The following DPP10 variants were observed in gnomAD, a reference collection of about 807,000 sequenced individuals.
The protein encoded by DPP10 is dipeptidyl peptidase like 10.
DPP10 carries 33 observed loss-of-function variants against 120.9 expected under a neutral mutation model. That is an observed-to-expected ratio of 0.27 (90% CI 0.21 to 0.37). DPP10 has a LOEUF of 0.37. DPP10 is among the 10% of genes least tolerant of loss of function. DPP10 has a pLI of 1.00. For missense variants in DPP10, 816 were observed against 942.8 expected, an observed-to-expected ratio of 0.87 and a Z score of 1.76; for synonymous variants, 337 against 326.1, an observed-to-expected ratio of 1.03 and a Z score of -0.36.
intron 5 of DPP10, among the ~76,000 whole-genome samples, chr2:115,642,960 G>A (rs1215013296): frequency 6.6e-6 from 1 of 152,000 alleles, no homozygotes; most frequent in Non-Finnish European, 1.5e-5. Flanking sequence ...CAATTAAACA[G>A]ATTGACCTCA....
intron 1 of DPP10, among the ~76,000 whole-genome samples, chr2:114,539,359 C>T (rs1216891908): frequency 6.6e-6 from 1 of 151,868 alleles, no homozygotes; most frequent in East Asian, 1.9e-4. Context: ...TATTTCACAG[C>T]TCTGATGGAA....
chr2:114,936,763 G>T (rs1202776504), intron 1 of DPP10, among the ~76,000 whole-genome samples: 1 of 151,846 alleles, frequency 6.6e-6, no homozygotes, highest in East Asian at 1.9e-4. Context: ...ATTATTTTTT[G>T]ATTTTTTGAT....
rs139506643 is a variant in DPP10 at position 115,530,835 on chromosome 2, G to A, written c.441+4863G>A. On this transcript the variant is annotated intron_variant, in intron 5 of 25. Transcript: ENST00000410059. ...GAAACTCTGATTTAATTGGCCTGAG[G>A]TATAGCCCCAGCTTTGGAGTTTTAC... Among the ~76,000 whole-genome samples the A allele has an allele frequency of 3.3e-3, 506 of 152,212 alleles. 5 individuals carry two copies. The highest frequency in any genetic ancestry group is 0.012 in the African/African-American group (482 of 41,544).
chr2:114,637,799 G>T (rs922486620), intron 1 of DPP10, among the ~76,000 whole-genome samples: 2 of 151,738 alleles, frequency 1.3e-5, no homozygotes, highest in Non-Finnish European at 2.9e-5. Context: ...GGCTGTATGT[G>T]TGCGGTCTTA....
chr2:114,509,011 TGAGAAAGAGAGAGAGAGAGA>T (rs1683912609), intron 1 of DPP10, among the ~76,000 whole-genome samples: 2 of 146,670 alleles, frequency 1.4e-5, no homozygotes, highest in South Asian at 2.2e-4. Flanking sequence ...ACAGCGAGAG[TGAGAAAGAGAGAGAGAGAGA>T]GAGAAAGAGA....
intron 1 of DPP10, among the ~76,000 whole-genome samples, chr2:115,248,922 C>A (rs2058644376): frequency 6.6e-6 from 1 of 151,934 alleles, no homozygotes; most frequent in African/African-American, 2.4e-5. Flanking sequence ...AAGTAAGTGG[C>A]TAAGGAAAAT....
intron 1 of DPP10, among the ~76,000 whole-genome samples, chr2:115,156,182 G>T (rs1377476510): frequency 1.3e-5 from 2 of 152,160 alleles, no homozygotes; most frequent in Non-Finnish European, 2.9e-5. Flanking sequence ...TTATTTCAAT[G>T]TACTTTGCCT....
rs142085496 is a variant in DPP10, at chr2:114,904,250, T to G, written c.61-404989T>G. ...AAGAATTTGATAAAAATATGAATGT[T>G]AAAGGCCACTCTTGTGAGATGTCAA... On this transcript the variant is annotated intron_variant, in intron 1 of 25. Coordinates refer to ENST00000410059, the MANE Select transcript of DPP10 (RefSeq NM_020868.6). Among the ~76,000 whole-genome samples, 12 of 152,326 alleles carry G rather than the reference T, an allele frequency of 7.9e-5. No individual in the cohort carries two copies. In the East Asian group the frequency reaches 2.3e-3, roughly 29 times the overall value.
chr2:114,899,268 T>A (rs1574446757), intron 1 of DPP10, among the ~76,000 whole-genome samples: 1 of 151,968 alleles, frequency 6.6e-6, no homozygotes, highest in African/African-American at 2.4e-5. Context: ...GAAGAGCAAG[T>A]TTCAGCTTTG....
At chr2:115,694,783 C>T (rs535876133) in intron 7 of DPP10, among the ~76,000 whole-genome samples, 1 of 152,270 alleles carries the variant, frequency 6.6e-6, no homozygotes, top group South Asian at 2.1e-4. Context: ...TTTTAGTTGA[C>T]TTGAACTCTT....
At chr2:114,563,320 T>C (rs1688922166) in intron 1 of DPP10, among the ~76,000 whole-genome samples, 2 of 150,444 alleles carry the variant, frequency 1.3e-5, no homozygotes, top group Non-Finnish European at 2.9e-5. Flanking sequence ...TGCAGTGCAC[T>C]GAGATGGTGC....
chr2:115,002,110 A>G (rs1701482194), intron 1 of DPP10, among the ~76,000 whole-genome samples: 1 of 152,220 alleles, frequency 6.6e-6, no homozygotes, highest in Non-Finnish European at 1.5e-5. Context: ...TGGAGGCATC[A>G]TGTCACCTGA....
intron 5 of DPP10, among the ~76,000 whole-genome samples, chr2:115,592,705 G>A (rs1049385161): frequency 2.0e-5 from 3 of 152,050 alleles, no homozygotes; most frequent in Non-Finnish European, 2.9e-5. Context: ...GCAGTGAGTC[G>A]AGATTGTGCC....
chr2:115,688,936 T>C (rs1024347245), intron 5 of DPP10, among the ~76,000 whole-genome samples: 6 of 152,154 alleles, frequency 3.9e-5, no homozygotes, highest in Non-Finnish European at 7.4e-5. Context: ...CACTTCAACA[T>C]GCATTAGTTT....
chr2:115,052,393 C>G (rs1705564452), intron 1 of DPP10, among the ~76,000 whole-genome samples: 3 of 151,896 alleles, frequency 2.0e-5, no homozygotes, highest in Admixed American at 6.6e-5. Context: ...AAAAAAGACC[C>G]ATGAAATGAG....
chr2:115,361,800 T>C (rs185788003), intron 3 of DPP10, among the ~76,000 whole-genome samples: 190 of 152,148 alleles, frequency 1.2e-3, no homozygotes, highest in Middle Eastern at 6.8e-3. Context: ...GTTGCCTCTC[T>C]GTGGACTTTC....
chr2:115,141,930 T>C (rs1573763173), intron 1 of DPP10, among the ~76,000 whole-genome samples: 3 of 152,146 alleles, frequency 2.0e-5, no homozygotes, highest in Non-Finnish European at 2.9e-5. Flanking sequence ...CGCGCCACTA[T>C]GCCTGCCTAA....
chr2:114,570,836 TAAAAAAAA>T (rs58796386), intron 1 of DPP10, among the ~76,000 whole-genome samples: 1 of 57,822 alleles, frequency 1.7e-5, no homozygotes, highest in Admixed American at 2.3e-4. Flanking sequence ...CTGTCTCAAA[TAAAAAAAA>T]AAAAAAAAAA....
At chr2:115,699,022 G>GA (rs758818861) in intron 7 of DPP10, among the ~76,000 whole-genome samples, 7,752 of 38,922 alleles carry the variant, frequency 0.2, 655 homozygotes, top group Non-Finnish European at 0.28. Flanking sequence ...TAGCTTGACT[G>GA]AAAAAAAAAA....
Sources: gnomAD v4.1 joint callset for allele counts (sites outside exome capture counted in the v4.1 genomes callset) on GRCh38, gnomAD v4.1.1 for gene constraint, MANE v1.5 for transcripts, NCBI Gene and HGNC (gene_info 2026-07-23, HGNC 2026-07-21) for gene names.